The following OSBP2 variants were observed in gnomAD, a reference collection of about 807,000 sequenced individuals.
The protein encoded by OSBP2 is oxysterol-binding protein 2.
In OSBP2, 66 loss-of-function variants were observed where a neutral mutation model predicts 96.0. That is an observed-to-expected ratio of 0.69 (90% confidence interval 0.56 to 0.84). The LOEUF (loss-of-function observed/expected upper bound fraction) is 0.84. Ranked by LOEUF, OSBP2 falls within the 40% of genes least tolerant of loss-of-function variation. The pLI, the probability that OSBP2 is intolerant of heterozygous loss-of-function variation, is 0.00. For synonymous variants in OSBP2, 525 were observed against 520.9 expected (o/e 1.01, Z -0.11); for missense variants, 1,038 against 1,222.7 (o/e 0.85, Z 2.25).
At chr22:30,865,992 G>A (rs1004058253) in intron 2 of OSBP2, among the ~76,000 whole-genome samples, 1 of 152,154 alleles carries the variant, frequency 6.6e-6, no homozygotes, top group African/African-American at 2.4e-5. Context: ...TGACCCACTC[G>A]AGAGCATCCA....
intron 2 of OSBP2, among the ~76,000 whole-genome samples, chr22:30,790,454 T>C (rs2090658132): frequency 6.6e-6 from 1 of 152,054 alleles, no homozygotes; most frequent in Admixed American, 6.6e-5. Flanking sequence ...CAGAGGCTCC[T>C]CATTAGTCTT....
chr22:30,701,952 A>G (rs1310190645), intron 1 of OSBP2, among the ~76,000 whole-genome samples: 1 of 152,184 alleles, frequency 6.6e-6, no homozygotes, highest in Admixed American at 6.6e-5. Flanking sequence ...ATGGACTAGC[A>G]GCATATTTTG....
intron 2 of OSBP2, among the ~76,000 whole-genome samples, chr22:30,787,388 CG>C (rs1328712401): frequency 1.3e-5 from 2 of 151,220 alleles, no homozygotes; most frequent in Non-Finnish European, 2.9e-5. Flanking sequence ...ATAGAATGGT[CG>C]GGGCCGGATG....
chr22:30,852,983 G>A (rs1273698370), intron 2 of OSBP2, among the ~76,000 whole-genome samples: 1 of 152,038 alleles, frequency 6.6e-6, no homozygotes, highest in African/African-American at 2.4e-5. Context: ...ATATCCAGAG[G>A]AGATACTCTT....
intron 3 of OSBP2, among the ~76,000 whole-genome samples, chr22:30,873,422 G>A (rs1270944399): frequency 6.6e-6 from 1 of 152,118 alleles, no homozygotes; most frequent in African/African-American, 2.4e-5. Context: ...GGTATCCTCT[G>A]GTCACCATGG....
intron 3 of OSBP2, chr22:30,872,448 T>C: frequency 2.2e-6 from 1 of 449,088 alleles, no homozygotes. Context: ...TTATCAGACA[T>C]CAGAGGCTCA....
At chr22:30,875,837 A>G (rs1282824331) in intron 3 of OSBP2, among the ~76,000 whole-genome samples, 1 of 152,262 alleles carries the variant, frequency 6.6e-6, no homozygotes, top group Non-Finnish European at 1.5e-5. Flanking sequence ...ATTTGACATC[A>G]GACCTTAGCA....
intron 2 of OSBP2, among the ~76,000 whole-genome samples, chr22:30,788,132 A>T (rs1281977107): frequency 1.3e-5 from 2 of 152,150 alleles, no homozygotes; most frequent in East Asian, 3.9e-4. Flanking sequence ...TGTTGTGAGG[A>T]TGTGTGAAGT....
intron 1 of OSBP2, chr22:30,731,433 G>C (rs550098239): frequency 5.9e-5 from 9 of 152,374 alleles, no homozygotes; most frequent in African/African-American, 1.2e-4. Context: ...AGGGAAGAGT[G>C]GGGGGAGATT....
chr22:30,696,438 T>A (rs7290980), intron 1 of OSBP2, among the ~76,000 whole-genome samples: 47,683 of 152,032 alleles, frequency 0.31, 8,377 homozygotes, highest in African/African-American at 0.46. Context: ...TGAATTTCTG[T>A]TACAGTGGGC....
chr22:30,707,120 C>T (rs950734802), intron 1 of OSBP2, among the ~76,000 whole-genome samples: 2 of 151,552 alleles, frequency 1.3e-5, no homozygotes, highest in Non-Finnish European at 2.9e-5. Context: ...TTTTTTGAGA[C>T]GGAGTCTAGC....
intron 1 of OSBP2, among the ~76,000 whole-genome samples, chr22:30,735,324 T>C (rs2089833021): frequency 6.6e-6 from 1 of 152,156 alleles, no homozygotes; most frequent in Non-Finnish European, 1.5e-5. Context: ...TCATGTTACT[T>C]ATTCATATCT....
chr22:30,791,121 G>T (rs2090667826), intron 2 of OSBP2, among the ~76,000 whole-genome samples: 1 of 150,478 alleles, frequency 6.6e-6, no homozygotes, highest in African/African-American at 2.4e-5. Flanking sequence ...GTAGCTGAGT[G>T]CCCACCACCA....
chr22:30,701,971 C>T (rs1282370698), intron 1 of OSBP2, among the ~76,000 whole-genome samples: 1 of 152,158 alleles, frequency 6.6e-6, no homozygotes, highest in East Asian at 1.9e-4. Context: ...TGGAGGAGCA[C>T]AGTGCACACC....
At chr22:30,765,917 T>G (rs1473958033) in intron 2 of OSBP2, among the ~76,000 whole-genome samples, 1 of 152,200 alleles carries the variant, frequency 6.6e-6, no homozygotes. Flanking sequence ...AAATGGAATA[T>G]AAGCGTGAAT....
intron 2 of OSBP2, among the ~76,000 whole-genome samples, chr22:30,856,606 C>T (rs973084781): frequency 2.0e-5 from 3 of 151,666 alleles, no homozygotes; most frequent in South Asian, 4.2e-4. Flanking sequence ...AGGCTGGTCT[C>T]GAACTCCTGA....
chr22:30,746,331 G>A (rs2089998993), intron 2 of OSBP2, among the ~76,000 whole-genome samples: 1 of 151,942 alleles, frequency 6.6e-6, no homozygotes, highest in Non-Finnish European at 1.5e-5. Context: ...GCCTGAGGTG[G>A]GAGGATTGCT....
At chr22:30,805,346 G>A (rs2090914568) in intron 2 of OSBP2, among the ~76,000 whole-genome samples, 1 of 152,214 alleles carries the variant, frequency 6.6e-6, no homozygotes, top group South Asian at 2.1e-4. Context: ...AATTGATCTT[G>A]TGTTCCTGGT....
intron 1 of OSBP2, among the ~76,000 whole-genome samples, chr22:30,738,790 C>T (rs1461669421): frequency 1.3e-5 from 2 of 151,812 alleles, no homozygotes; most frequent in African/African-American, 4.8e-5. Flanking sequence ...ACAATCTCCT[C>T]ACCTCAAGTG....
Sources: gnomAD v4.1 joint callset for allele counts (sites outside exome capture counted in the v4.1 genomes callset) on GRCh38, gnomAD v4.1.1 for gene constraint, MANE v1.5 for transcripts, NCBI Gene and HGNC (gene_info 2026-07-23, HGNC 2026-07-21) for gene names.